DNAH8: variants seen among roughly 807,000 people sequenced by gnomAD.
DNAH8 encodes the protein axonemal beta dynein heavy chain 8.
DNAH8 carries 382 observed loss-of-function variants against 562.1 expected under a neutral mutation model. The observed-to-expected ratio is 0.68, with a 90% CI of 0.63 to 0.74. DNAH8 has a LOEUF of 0.74. Among genes scored for constraint, DNAH8 ranks in the 30% least tolerant of loss-of-function variants. DNAH8 has a pLI of 0.00. For missense variants in DNAH8, 5,203 were observed against 5,620.4 expected (o/e 0.93, Z 2.37); for synonymous variants, 1,881 against 1,919.4 (o/e 0.98, Z 0.52).
At chr6:38,833,567 T>C (rs2150356807) in intron 31 of DNAH8, among the ~76,000 whole-genome samples, 1 of 152,324 alleles carries the variant, frequency 6.6e-6, no homozygotes, top group South Asian at 2.1e-4. Context: ...AATGCCTATA[T>C]TAGAAACAGC....
In DNAH8 at chr6:38,783,127, C is replaced by T. The variant is rs139248988; in HGVS notation, c.2383C>T (p.Gln795Ter). The T allele has an allele frequency of 3.7e-6, 6 of 1,613,820 alleles. No individual in the cohort carries two copies. Among genetic ancestry groups the T allele is most frequent in the Non-Finnish European group, 5.1e-6 (6 of 1,179,890 alleles). ...YHTAWIREISQLHYALQATLF... is the reference protein window; with the variant it reads ...YHTAWIREIS Reference sequence around the variant, plus strand: ...CACAGCCTGGATCAGAGAGATTTCACAGTTGCATTACGGTGTGTATAACAC... The same window carrying T: ...CACAGCCTGGATCAGAGAGATTTCATAGTTGCATTACGGTGTGTATAACAC... The change falls in exon 17 of 93, where the codon CAG becomes TAG. Residue 795 changes from glutamine (Q) to a stop codon, truncating the protein, a stop_gained. Transcript: ENST00000327475. LOFTEE classifies it high-confidence loss of function.
intron 49 of DNAH8, among the ~76,000 whole-genome samples, chr6:38,872,232 A>T (rs948073531): frequency 6.6e-6 from 1 of 152,210 alleles, no homozygotes; most frequent in Non-Finnish European, 1.5e-5. Context: ...ACTGCTGGTT[A>T]TAGACCAACA....
At chr6:38,816,281 C>G (rs964429532) in intron 26 of DNAH8, among the ~76,000 whole-genome samples, 1 of 152,108 alleles carries the variant, frequency 6.6e-6, no homozygotes, top group East Asian at 1.9e-4. Context: ...GTTCCCCTCC[C>G]TATGTCAATG....
At chr6:38,831,484 A>G (rs949069614) in intron 30 of DNAH8, among the ~76,000 whole-genome samples, 1 of 151,748 alleles carries the variant, frequency 6.6e-6, no homozygotes. Context: ...TTGTTCCTCT[A>G]TCTCTTTAAT....
intron 21 of DNAH8, among the ~76,000 whole-genome samples, chr6:38,793,969 G>C (rs1265155318): frequency 2.0e-5 from 3 of 152,070 alleles, no homozygotes; most frequent in Non-Finnish European, 4.4e-5. Flanking sequence ...GGACAGCCTT[G>C]GTTGAGAACC....
At chr6:38,845,277 A>G (rs1775192779) in intron 35 of DNAH8, among the ~76,000 whole-genome samples, 1 of 152,210 alleles carries the variant, frequency 6.6e-6, no homozygotes, top group Non-Finnish European at 1.5e-5. Flanking sequence ...GATTATCCCC[A>G]TTTTAGCCAA....
intron 91 of DNAH8, among the ~76,000 whole-genome samples, chr6:39,018,928 G>A (rs574013941): frequency 7.4e-4 from 112 of 152,352 alleles, no homozygotes; most frequent in African/African-American, 2.5e-3. Context: ...TTGGGGGTGT[G>A]TGAGTGAAAC....
intron 76 of DNAH8, among the ~76,000 whole-genome samples, chr6:38,932,212 A>ACACACACACC (rs1204918559): frequency 6.7e-6 from 1 of 148,976 alleles, no homozygotes; most frequent in Non-Finnish European, 1.5e-5. Context: ...ACACACACAC[A>ACACACACACC]CACACCCGTC....
chr6:38,727,543 C>G (rs1763326257), intron 3 of DNAH8, among the ~76,000 whole-genome samples: 1 of 152,240 alleles, frequency 6.6e-6, no homozygotes, highest in Non-Finnish European at 1.5e-5. Flanking sequence ...TCCTCTAGCT[C>G]TCAACTCTTC....
chr6:38,743,007 CTTTTT>C (rs11340457), intron 8 of DNAH8, among the ~76,000 whole-genome samples: 67 of 51,998 alleles, frequency 1.3e-3, no homozygotes, highest in South Asian at 7.2e-3. Flanking sequence ...TGTTGTTGTG[CTTTTT>C]TTTTTTTTTT....
intron 27 of DNAH8, 79 bp from the exon 28 acceptor site, chr6:38,823,483 C>A: frequency 6.2e-6 from 7 of 1,130,316 alleles, no homozygotes; most frequent in African/African-American, 1.5e-5. Flanking sequence ...TGTGTATGAG[C>A]AAATGCAATT....
In DNAH8 at chr6:38,720,670, A is replaced by C. The variant is rs547155978; in HGVS notation, c.-34-2106A>C. ...GACTGGAGTAAATAATTAATCCTTC[A>C]ACACAAAGACATACACATACATTCA... is the stretch of plus-strand genomic sequence containing the variant. On this transcript the variant is annotated intron_variant, in intron 1 of 92. Coordinates refer to ENST00000327475, the MANE Select transcript of DNAH8 (RefSeq NM_001206927.2). 2.5e-3 allele frequency among the ~76,000 whole-genome samples: 375 copies of C among 152,358 alleles called. 4 individuals are homozygous for C. Among genetic ancestry groups the C allele is most frequent in the African/African-American group, 8.8e-3 (364 of 41,574 alleles).
At chr6:39,009,081 T>C in intron 89 of DNAH8, 111 bp downstream of exon 89, 1 of 708,976 alleles carries the variant, frequency 1.4e-6, no homozygotes, top group Non-Finnish European at 2.3e-6. Context: ...ATGTGGCAGA[T>C]TACCTGTGTG....
At chr6:38,817,983 A>G (rs1678700) in intron 26 of DNAH8, among the ~76,000 whole-genome samples, 74,473 of 151,948 alleles carry the variant, frequency 0.49, 19,180 homozygotes, top group East Asian at 0.7. Context: ...TCTTTTAAAT[A>G]TATTTATTTA....
At chr6:38,757,916 T>C (rs1302699402) in intron 10 of DNAH8, among the ~76,000 whole-genome samples, 1 of 152,202 alleles carries the variant, frequency 6.6e-6, no homozygotes, top group East Asian at 1.9e-4. Context: ...CTGTTTTGGT[T>C]ACTGTAGCCT....
At chr6:38,844,584 A>G (rs543016453) in intron 35 of DNAH8, among the ~76,000 whole-genome samples, 1 of 152,354 alleles carries the variant, frequency 6.6e-6, no homozygotes, top group East Asian at 1.9e-4. Context: ...ACTTAATAAT[A>G]TAGCCATTCG....
Position 38,906,243 on chromosome 6 carries a change from T to A in DNAH8, c.9195-11T>A. ...TTTTAATCTAAAACTTTCTATCATT[T>A]TTCTTCTTAGGTCTTACAATGTGAC... On this transcript the variant is annotated splice_polypyrimidine_tract_variant and intron_variant, in intron 62 of 92. Transcript: ENST00000327475. The A allele has an allele frequency of 6.5e-7, 1 of 1,541,170 alleles. No homozygotes were observed. The highest frequency in any genetic ancestry group is 1.4e-5 in the African/African-American group (1 of 72,260).
At chr6:38,972,327 C>T (rs563623178) in intron 83 of DNAH8, among the ~76,000 whole-genome samples, 131 of 152,136 alleles carry the variant, frequency 8.6e-4, no homozygotes, top group African/African-American at 3.0e-3. Flanking sequence ...GCAGCTTTTC[C>T]CTGGGAATTA....
At chr6:38,895,431 C>T (rs1199230732) in intron 59 of DNAH8, among the ~76,000 whole-genome samples, 4 of 152,124 alleles carry the variant, frequency 2.6e-5, no homozygotes, top group African/African-American at 2.4e-5. Context: ...TGATAACATT[C>T]GGAGGCACAT....
Sources: allele counts gnomAD v4.1 joint callset (sites outside exome capture counted in the v4.1 genomes callset), GRCh38; gene constraint gnomAD v4.1.1; transcripts MANE v1.5; gene names NCBI Gene and HGNC (gene_info 2026-07-23, HGNC 2026-07-21).